The following FHIT variants were observed in gnomAD, a reference collection of about 807,000 sequenced individuals.
FHIT encodes the protein bis(5'-adenosyl)-triphosphatase.
A neutral mutation model predicts 17.9 loss-of-function variants in FHIT; 19 were observed. The ratio of observed to expected loss-of-function variants is 1.06; its 90% CI spans 0.74 to 1.56. The LOEUF is 1.56. FHIT is among the 40% of genes most tolerant of loss of function. FHIT has a pLI of 0.00. For missense variants in FHIT, 248 were observed against 189.2 expected, an observed-to-expected ratio of 1.31 and a Z score of -1.82; for synonymous variants, 81 against 69.7, an observed-to-expected ratio of 1.16 and a Z score of -0.81.
At chr3:60,545,926 C>A (rs2036345202) in intron 4 of FHIT, among the ~76,000 whole-genome samples, 1 of 152,142 alleles carries the variant, frequency 6.6e-6, no homozygotes, top group East Asian at 1.9e-4. Flanking sequence ...ACTATATTTG[C>A]TAAATCAATG....
chr3:60,240,109 C>A (rs1705050471), intron 5 of FHIT, among the ~76,000 whole-genome samples: 1 of 152,046 alleles, frequency 6.6e-6, no homozygotes, highest in Admixed American at 6.6e-5. Flanking sequence ...CCTTGTTCAC[C>A]AAGTTAGGTT....
At chr3:60,463,246 A>T (rs750947608) in intron 5 of FHIT, among the ~76,000 whole-genome samples, 24 of 152,212 alleles carry the variant, frequency 1.6e-4, no homozygotes, top group Non-Finnish European at 5.9e-5. Flanking sequence ...GGAAAAAAAA[A>T]TCCTGTTTTT....
chr3:59,940,795 C>T (rs1706475600), intron 7 of FHIT, among the ~76,000 whole-genome samples: 2 of 152,112 alleles, frequency 1.3e-5, no homozygotes, highest in Admixed American at 1.3e-4. Context: ...ACATGAAAAC[C>T]TCTTAGCACC....
At chr3:60,525,461 G>T (rs903783077) in intron 5 of FHIT, among the ~76,000 whole-genome samples, 1 of 151,958 alleles carries the variant, frequency 6.6e-6, no homozygotes, top group Non-Finnish European at 1.5e-5. Flanking sequence ...TAAGATTTAT[G>T]TCATCTCTTT....
intron 5 of FHIT, among the ~76,000 whole-genome samples, chr3:60,409,884 A>G (rs1196810426): frequency 6.6e-6 from 1 of 152,214 alleles, no homozygotes; most frequent in Non-Finnish European, 1.5e-5. Context: ...AATATTTGCT[A>G]TGGCTCAAAA....
intron 4 of FHIT, among the ~76,000 whole-genome samples, chr3:60,761,328 G>A (rs540015911): frequency 9.2e-5 from 14 of 152,316 alleles, no homozygotes; most frequent in South Asian, 6.2e-4. Context: ...GTGAACGTGC[G>A]TATGAGCACA....
chr3:60,714,242 G>A (rs2041619808), intron 4 of FHIT, among the ~76,000 whole-genome samples: 1 of 152,222 alleles, frequency 6.6e-6, no homozygotes, highest in South Asian at 2.1e-4. Flanking sequence ...AACCCTTCAT[G>A]CTAAAAACTC....
intron 5 of FHIT, among the ~76,000 whole-genome samples, chr3:60,332,434 A>G (rs1241799935): frequency 6.6e-6 from 1 of 152,206 alleles, no homozygotes; most frequent in Non-Finnish European, 1.5e-5. Flanking sequence ...GTATCATCAC[A>G]GAAAGAAACT....
chr3:61,036,901 G>GTTTTTTTTTTGTTTTTTT, intron 3 of FHIT, among the ~76,000 whole-genome samples: 1 of 70,324 alleles, frequency 1.4e-5, no homozygotes, highest in African/African-American at 3.2e-5. Context: ...AGTCTGCTTT[G>GTTTTTTTTTTGTTTTTTT]TTTTTTTTTT....
chr3:60,430,414 T>C (rs1341508555), intron 5 of FHIT, among the ~76,000 whole-genome samples: 1 of 151,998 alleles, frequency 6.6e-6, no homozygotes, highest in Non-Finnish European at 1.5e-5. Context: ...ATTCTAAATA[T>C]AGTACCTTTA....
At chr3:61,049,948 C>A (rs1322821962) in intron 2 of FHIT, among the ~76,000 whole-genome samples, 1 of 152,124 alleles carries the variant, frequency 6.6e-6, no homozygotes, top group African/African-American at 2.4e-5. Flanking sequence ...AGAAGCTGAA[C>A]AAACAGGCCT....
intron 5 of FHIT, among the ~76,000 whole-genome samples, chr3:60,512,565 T>G (rs1213969959): frequency 1.3e-5 from 2 of 149,868 alleles, no homozygotes; most frequent in Admixed American, 6.6e-5. Context: ...TATATAATAA[T>G]TAAAAAGAAA....
intron 7 of FHIT, among the ~76,000 whole-genome samples, chr3:59,984,432 C>G (rs879591489): frequency 2.0e-5 from 3 of 152,010 alleles, no homozygotes. Context: ...ACATGCTACC[C>G]TCTGAGTTTT....
chr3:59,852,447 C>T (rs899194688), intron 8 of FHIT, among the ~76,000 whole-genome samples: 5 of 152,104 alleles, frequency 3.3e-5, no homozygotes, highest in African/African-American at 1.2e-4. Context: ...TATCCCCTGC[C>T]CCACATATGT....
intron 5 of FHIT, among the ~76,000 whole-genome samples, chr3:60,504,429 TCA>T (rs1491487302): frequency 2.8e-5 from 3 of 107,098 alleles, no homozygotes; most frequent in African/African-American, 3.8e-5. Context: ...AGACCCCGTC[TCA>T]AAAAAAAAAA....
intron 5 of FHIT, among the ~76,000 whole-genome samples, chr3:60,248,770 C>A (rs900108033): frequency 1.3e-5 from 2 of 152,232 alleles, no homozygotes; most frequent in East Asian, 3.9e-4. Flanking sequence ...GCTAAAGGCA[C>A]TTAAAAAACA....
intron 3 of FHIT, among the ~76,000 whole-genome samples, chr3:60,973,465 C>G (rs1484691286): frequency 6.6e-6 from 1 of 152,128 alleles, no homozygotes; most frequent in Admixed American, 6.5e-5. Context: ...GGGAAAATTC[C>G]ATGCAGTATG....
chr3:60,791,621 C>T (rs898314072), intron 4 of FHIT, among the ~76,000 whole-genome samples: 6 of 152,150 alleles, frequency 3.9e-5, no homozygotes, highest in Admixed American at 2.0e-4. Flanking sequence ...TCTTACAGGA[C>T]AGAGAACATG....
At chr3:60,062,601 G>C (rs1391856908) in intron 5 of FHIT, among the ~76,000 whole-genome samples, 2 of 152,150 alleles carry the variant, frequency 1.3e-5, no homozygotes, top group Admixed American at 6.5e-5. Context: ...TTCTACTGAA[G>C]TGCTGGATTT....
Sources: allele counts gnomAD v4.1 joint callset (sites outside exome capture counted in the v4.1 genomes callset), GRCh38; gene constraint gnomAD v4.1.1; transcripts MANE v1.5; gene names NCBI Gene and HGNC (gene_info 2026-07-23, HGNC 2026-07-21).